The following XPO5 variants were observed in gnomAD, a reference collection of about 807,000 sequenced individuals.
XPO5 encodes exportin-5.
In XPO5, 46 loss-of-function variants were observed where a neutral mutation model predicts 160.6. The ratio of observed to expected loss-of-function variants is 0.29; its 90% CI spans 0.23 to 0.37. The LOEUF (loss-of-function observed/expected upper bound fraction) is 0.37. Among genes scored for constraint, XPO5 ranks in the 10% least tolerant of loss-of-function variants. XPO5 has a pLI of 1.00. For synonymous variants in XPO5, 537 were observed against 519.3 expected, an observed-to-expected ratio of 1.03 and a Z score of -0.46; for missense variants, 1,090 against 1,463.9, an observed-to-expected ratio of 0.74 and a Z score of 4.17.
At chr6:43,525,331 G>C in intron 28 of XPO5, 117 bp from the exon 29 acceptor site, 2 of 975,544 alleles carry the variant, frequency 2.1e-6, no homozygotes, top group South Asian at 3.4e-5. Context: ...CTAAAGATGG[G>C]TTTGTTTTGT....
At chr6:43,564,696 A>G (rs939966697) in intron 8 of XPO5, among the ~76,000 whole-genome samples, 1 of 152,090 alleles carries the variant, frequency 6.6e-6, no homozygotes, top group African/African-American at 2.4e-5. Context: ...TGGACTTCCC[A>G]GCTCTAGTGA....
At chr6:43,565,529 C>T (rs967708280) in intron 8 of XPO5, 131 bp downstream of exon 8, 49 of 746,132 alleles carry the variant, frequency 6.6e-5, no homozygotes, top group Non-Finnish European at 6.2e-5. Context: ...CGCGCCACTG[C>T]ACTCCAGCCT....
At chr6:43,575,403 C>T (rs975941480) in intron 1 of XPO5, among the ~76,000 whole-genome samples, 1 of 152,082 alleles carries the variant, frequency 6.6e-6, no homozygotes, top group African/African-American at 2.4e-5. Flanking sequence ...TCTACACGTG[C>T]GCCTCGGGAA....
chr6:43,570,950 A>T lies in XPO5; in HGVS notation c.345T>A (p.Ala115=). 6.2e-7 allele frequency: 1 copy of T among 1,613,808 alleles called. No individual in the cohort carries two copies. The highest frequency in any genetic ancestry group is 1.7e-4 in the Middle Eastern group (1 of 6,060). Residue 115 remains alanine, a synonymous_variant, in exon 4 of 32, where the codon GCT becomes GCA. Transcript: ENST00000265351. The part of the protein sequence containing the change: ...ILEEENHIKD[A]LSRIVVEMIK... Reference sequence around the variant, plus strand: ...TCATTTCCACTACAATTCGAGACAGAGCATCTTTAATATGGTTCTCCTCTT... The same window carrying T: ...TCATTTCCACTACAATTCGAGACAGTGCATCTTTAATATGGTTCTCCTCTT...
chr6:43,548,277 A>T lies in XPO5; in HGVS notation c.2044T>A (p.Ser682Thr). 1 of 1,610,340 alleles carries T rather than the reference A, an allele frequency of 6.2e-7. No homozygotes were observed. The highest frequency in any genetic ancestry group is 8.5e-7 in the Non-Finnish European group (1 of 1,177,780). Residue 682 changes from serine (S) to threonine (T), a missense_variant, in exon 18 of 32, where the codon TCT (serine) becomes ACT (threonine). This residue lies in a region of XPO5 where 810 missense variants were observed against 1,139.0 expected (regional missense o/e 0.71). Coordinates refer to ENST00000265351, the MANE Select transcript of XPO5 (RefSeq NM_020750.3). The part of the protein sequence containing the change: ...LMAPVASIWL[S>T]QDMHRVLSDV... ...CTCCTTTACCTGTGCATGTCTTGAG[A>T]AAGCCAGATGCTGGCCACTGGTGCC... is the stretch of plus-strand genomic sequence containing the variant.
intron 7 of XPO5, chr6:43,566,681 G>A (rs1295855297): frequency 9.8e-6 from 4 of 407,150 alleles, no homozygotes; most frequent in African/African-American, 4.1e-5. Context: ...ATGGTGGCGT[G>A]TGCCTATAGT....
chr6:43,529,350 G>A (rs760597115), intron 23 of XPO5: 2 of 450,816 alleles, frequency 4.4e-6, no homozygotes, highest in Middle Eastern at 6.8e-4. Context: ...AGACCATCCT[G>A]GCTAACATGG....
At chr6:43,538,423 C>A (rs937984982) in intron 20 of XPO5, among the ~76,000 whole-genome samples, 1 of 151,942 alleles carries the variant, frequency 6.6e-6, no homozygotes, top group East Asian at 1.9e-4. Context: ...CTGCTGAGAT[C>A]ACAAGCGTGA....
chr6:43,536,107 CAA>C (rs570428008), intron 20 of XPO5, among the ~76,000 whole-genome samples: 4 of 140,104 alleles, frequency 2.9e-5, no homozygotes, highest in African/African-American at 1.1e-4. Flanking sequence ...GACTCCCTCT[CAA>C]AAAAAAAAGT....
chr6:43,535,903 A>C (rs1361773600), intron 20 of XPO5, among the ~76,000 whole-genome samples: 3 of 151,348 alleles, frequency 2.0e-5, no homozygotes, highest in Non-Finnish European at 4.4e-5. Flanking sequence ...CCGGAGAATC[A>C]CCTGAGGCCA....
chr6:43,535,045 C>T (rs1273262022), intron 20 of XPO5, among the ~76,000 whole-genome samples: 3 of 151,482 alleles, frequency 2.0e-5, no homozygotes, highest in Non-Finnish European at 2.9e-5. Context: ...GTAATCCCAG[C>T]ACTTTGGGAG....
chr6:43,531,421 A>G (rs1349804588), intron 22 of XPO5, 58 bp downstream of exon 22: 9 of 1,510,430 alleles, frequency 6.0e-6, no homozygotes, highest in Non-Finnish European at 8.3e-6. Flanking sequence ...ACCCATGGAC[A>G]TTCCTATACA....
At chr6:43,532,037 C>T (rs962460182) in intron 21 of XPO5, among the ~76,000 whole-genome samples, 7 of 152,258 alleles carry the variant, frequency 4.6e-5, no homozygotes, top group African/African-American at 1.7e-4. Context: ...ATTTCGAGTC[C>T]TATAGTCAGA....
chr6:43,539,680 C>G lies in XPO5; in HGVS notation c.2343-5673G>C, dbSNP rs113864553. ...GGCCACCAGGGCCTCCAGGCCCCCC[C>G]ACTGCACCGGCGTCATCCGCCATTT... On this transcript the variant is annotated intron_variant, in intron 20 of 31. Coordinates refer to ENST00000265351, the MANE Select transcript of XPO5 (RefSeq NM_020750.3). 101 of 917,274 alleles carry G rather than the reference C, an allele frequency of 1.1e-4. 1 individual carries two copies. In the Middle Eastern group the frequency reaches 1.3e-3, roughly 12 times the overall value. 56.8% of individuals were successfully genotyped at this position (917,274 alleles called of 1,614,324 possible).
chr6:43,539,629 G>A, intron 20 of XPO5: 1 of 1,348,926 alleles, frequency 7.4e-7, no homozygotes. Context: ...AACCTCTGCG[G>A]AAGCCACCGC....
At chr6:43,530,369 C>G (rs1316015995) in intron 23 of XPO5, among the ~76,000 whole-genome samples, 5 of 151,030 alleles carry the variant, frequency 3.3e-5, no homozygotes, top group African/African-American at 1.2e-4. Flanking sequence ...AGCTGTGAGC[C>G]GAGATCATAC....
Position 43,523,627 on chromosome 6 carries a change from TG to T in XPO5, c.*240del. On this transcript the variant is annotated 3_prime_UTR_variant, in exon 32 of 32. Coordinates refer to ENST00000265351, the MANE Select transcript of XPO5 (RefSeq NM_020750.3). The stretch of plus-strand genomic sequence containing the variant: ...GGAAAAGCCAAATCTCCAAGTAGAA[TG>T]GGAACTATCTGGGACATCTAGACAG... The T allele has an allele frequency of 1.3e-6, 1 of 754,856 alleles. No homozygotes were observed. Among genetic ancestry groups the T allele is most frequent in the Non-Finnish European group, 2.4e-6 (1 of 415,268 alleles). The allele number at this position is 754,856 out of a possible 1,614,324, so 46.8% of individuals were successfully genotyped here.
At chr6:43,526,064 T>G in intron 27 of XPO5, 143 bp from the exon 28 acceptor site, 1 of 766,588 alleles carries the variant, frequency 1.3e-6, no homozygotes, top group South Asian at 1.8e-5. Context: ...CCCTCCCACC[T>G]CCACATAATG....
intron 3 of XPO5, among the ~76,000 whole-genome samples, chr6:43,571,308 A>G (rs1455552166): frequency 6.6e-6 from 1 of 152,200 alleles, no homozygotes; most frequent in Non-Finnish European, 1.5e-5. Flanking sequence ...AGGGAGGAAG[A>G]GTATAGAAAT....
Sources: allele counts gnomAD v4.1 joint callset (sites outside exome capture counted in the v4.1 genomes callset), GRCh38; gene constraint gnomAD v4.1.1; regional missense constraint gnomAD v4.1.1; transcripts MANE v1.5; gene names NCBI Gene and HGNC (gene_info 2026-07-23, HGNC 2026-07-21).